ZC3H18: variants seen among roughly 807,000 people sequenced by gnomAD.
ZC3H18 encodes zinc finger CCCH-type containing 18, also known as zinc finger CCCH domain-containing protein 18.
In ZC3H18, 8 loss-of-function variants were observed where a neutral mutation model predicts 106.1. The observed-to-expected ratio is 0.08, with a 90% CI of 0.04 to 0.14. The LOEUF (loss-of-function observed/expected upper bound fraction) is 0.14. ZC3H18 is among the 10% of genes least tolerant of loss of function. The probability of loss-of-function intolerance (pLI) is 1.00; values close to 1 mark genes in which losing one functional copy is unlikely to be tolerated. For missense variants in ZC3H18, 1,318 were observed against 1,278.4 expected, an observed-to-expected ratio of 1.03 and a Z score of -0.47; for synonymous variants, 635 against 522.1, an observed-to-expected ratio of 1.22 and a Z score of -2.95.
chr16:88,571,045 C>T (rs1388011412), intron 1 of ZC3H18, among the ~76,000 whole-genome samples: 1 of 152,170 alleles, frequency 6.6e-6, no homozygotes, highest in Non-Finnish European at 1.5e-5. Context: ...ACAGGTTGGG[C>T]GCAGTGATTG....
At chr16:88,586,450 T>C in intron 2 of ZC3H18, 150 bp from the exon 3 acceptor site, 1 of 682,758 alleles carries the variant, frequency 1.5e-6, no homozygotes, top group Non-Finnish European at 2.7e-6. Flanking sequence ...TATGTAGATC[T>C]GGGACCTAAG....
chr16:88,594,379 G>C (rs1447445829), intron 3 of ZC3H18, among the ~76,000 whole-genome samples: 1 of 152,162 alleles, frequency 6.6e-6, no homozygotes, highest in Non-Finnish European at 1.5e-5. Flanking sequence ...AGTAAACACA[G>C]GGAATTGATA....
At chr16:88,596,485 C>G (rs191907490) in intron 3 of ZC3H18, among the ~76,000 whole-genome samples, 12 of 151,866 alleles carry the variant, frequency 7.9e-5, no homozygotes, top group Non-Finnish European at 1.8e-4. Context: ...ACTAAAAATA[C>G]AAAAATTAGC....
At chr16:88,596,100 G>C (rs1904424371) in intron 3 of ZC3H18, among the ~76,000 whole-genome samples, 1 of 152,128 alleles carries the variant, frequency 6.6e-6, no homozygotes, top group South Asian at 2.1e-4. Context: ...TGGCTCCCGA[G>C]AGCTGAACAC....
chr16:88,602,968 C>CT lies in ZC3H18; in HGVS notation c.1088+3034dup, dbSNP rs1029970086. Among the ~76,000 whole-genome samples, 1,269 of 145,032 alleles carry CT rather than the reference C, an allele frequency of 8.7e-3. 28 individuals are homozygous for CT. The highest frequency in any genetic ancestry group is 0.077 in the East Asian group (382 of 4,952). ...AAGGACAAGAAAATTGTTGTTCCTTCTTTTTTTTTTTTTTGAGACGGAGTC... is the reference window on the plus strand; with the variant it reads ...AAGGACAAGAAAATTGTTGTTCCTTCTTTTTTTTTTTTTTTGAGACGGAGTC... On this transcript the variant is annotated intron_variant, in intron 6 of 17. Coordinates refer to ENST00000301011, the MANE Select transcript of ZC3H18 (RefSeq NM_144604.4).
rs779497683 is a variant in ZC3H18 at position 88,611,397 on chromosome 16, C to A, written c.1336C>A (p.Arg446=). ...GCGGGAGCGCGAGCGCGACAAGGAG[C>A]GGCAGCGGAGGAAGGAGGAGTGGGA... ...RERERERDKE[R]QRRKEEWERE... Residue 446 remains arginine, a synonymous_variant, in exon 8 of 18, where the codon CGG becomes AGG. Coordinates refer to ENST00000301011, the MANE Select transcript of ZC3H18 (RefSeq NM_144604.4). The A allele has an allele frequency of 3.3e-6, 4 of 1,216,284 alleles. No homozygotes were observed. The highest frequency in any genetic ancestry group is 2.6e-5 in the South Asian group (2 of 77,446). The allele number at this position is 1,216,284 out of a possible 1,614,324, so 75.3% of individuals were successfully genotyped here. A position where few individuals can be genotyped will look rare whatever the true frequency, so the allele number is the denominator to read the frequency against.
intron 10 of ZC3H18, 40 bp from the exon 11 acceptor site, chr16:88,623,918 A>T (rs1597358448): frequency 6.4e-7 from 1 of 1,558,572 alleles, no homozygotes; most frequent in Non-Finnish European, 8.7e-7. Flanking sequence ...GTGAAGAAAC[A>T]CCCCCAGGCC....
chr16:88,576,545 C>T (rs1774166498), intron 1 of ZC3H18, among the ~76,000 whole-genome samples: 1 of 152,056 alleles, frequency 6.6e-6, no homozygotes, highest in Admixed American at 6.6e-5. Flanking sequence ...TGCTAAAGGG[C>T]AGCCAAGGGA....
intron 2 of ZC3H18, among the ~76,000 whole-genome samples, chr16:88,582,532 G>A (rs1431468445): frequency 6.6e-6 from 1 of 152,112 alleles, no homozygotes; most frequent in Admixed American, 6.5e-5. Flanking sequence ...TCATGGCTGT[G>A]GGTTTCCACT....
intron 8 of ZC3H18, among the ~76,000 whole-genome samples, chr16:88,614,682 T>A (rs1905471118): frequency 6.6e-6 from 1 of 152,248 alleles, no homozygotes; most frequent in Non-Finnish European, 1.5e-5. Context: ...TACAGTAATC[T>A]CTAAGTTATT....
At chr16:88,598,421 G>A in intron 4 of ZC3H18, 95 bp downstream of exon 4, 1 of 1,514,392 alleles carries the variant, frequency 6.6e-7, no homozygotes, top group South Asian at 1.3e-5. Context: ...CTTAGCACAG[G>A]CTCAGTGCCC....
intron 3 of ZC3H18, among the ~76,000 whole-genome samples, chr16:88,597,882 A>G (rs946456841): frequency 2.6e-5 from 4 of 152,228 alleles, no homozygotes; most frequent in African/African-American, 4.8e-5. Context: ...TAAGGGGAAA[A>G]TTAATACTCA....
At chr16:88,581,576 C>T (rs1364547775) in intron 2 of ZC3H18, among the ~76,000 whole-genome samples, 1 of 152,214 alleles carries the variant, frequency 6.6e-6, no homozygotes, top group African/African-American at 2.4e-5. Context: ...CTGGGACCAG[C>T]AGTTTGCAGC....
At chr16:88,618,699 C>T (rs1051430499) in intron 8 of ZC3H18, among the ~76,000 whole-genome samples, 4 of 152,196 alleles carry the variant, frequency 2.6e-5, no homozygotes, top group Admixed American at 1.3e-4. Flanking sequence ...CTCCTGTGGC[C>T]TTCAACGGGG....
chr16:88,600,619 G>T (rs547641935), intron 6 of ZC3H18, among the ~76,000 whole-genome samples: 1 of 152,294 alleles, frequency 6.6e-6, no homozygotes, highest in African/African-American at 2.4e-5. Flanking sequence ...CACCATGTTG[G>T]CCAGGATGGT....
chr16:88,612,690 A>G (rs542679118), intron 8 of ZC3H18, among the ~76,000 whole-genome samples: 1 of 151,760 alleles, frequency 6.6e-6, no homozygotes, highest in East Asian at 1.9e-4. Flanking sequence ...AAAAAAAAAA[A>G]AAAATTAAAA....
chr16:88,587,520 G>T, intron 3 of ZC3H18: 1 of 1,534,242 alleles, frequency 6.5e-7, no homozygotes, highest in Non-Finnish European at 8.7e-7. Flanking sequence ...GCTCACAAGA[G>T]CTTCCTGTAC....
Position 88,577,389 on chromosome 16 carries a change from G to A in ZC3H18, c.266G>A (p.Ser89Asn). 6.3e-7 allele frequency: 1 copy of A among 1,597,460 alleles called. No homozygotes were observed. Among genetic ancestry groups the A allele is most frequent in the East Asian group, 2.2e-5 (1 of 44,636 alleles). ...CAGGACTCAGAGGTGAATGAGCTGA[G>A]CCGGGGCCCGACCAGCTCCCCCTGC... ...QDQDSEVNEL[S>N]RGPTSSPCEE... is the part of the protein sequence containing the mutation. Residue 89 changes from serine to asparagine, a missense_variant, in exon 2 of 18, where the codon AGC becomes AAC. Transcript: ENST00000301011.
chr16:88,625,313 G>T lies in ZC3H18; in HGVS notation c.2108+46G>T, dbSNP rs1158616374. The T allele has an allele frequency of 2.6e-6, 4 of 1,555,012 alleles. No individual in the cohort carries two copies. In the East Asian group the frequency reaches 9.7e-5, roughly 38 times the overall value. Reference sequence around the variant, plus strand: ...CCTCTGTTTCTCCCTCCCCGTCGGGGCCAGGAAGTCCCAGAAGCAGCCAGT... The same window carrying T: ...CCTCTGTTTCTCCCTCCCCGTCGGGTCCAGGAAGTCCCAGAAGCAGCCAGT... On this transcript the variant is annotated intron_variant, in intron 13 of 17. Coordinates refer to ENST00000301011, the MANE Select transcript of ZC3H18 (RefSeq NM_144604.4).
Sources: gnomAD v4.1 joint callset for allele counts (sites outside exome capture counted in the v4.1 genomes callset) on GRCh38, gnomAD v4.1.1 for gene constraint, MANE v1.5 for transcripts, NCBI Gene and HGNC (gene_info 2026-07-23, HGNC 2026-07-21) for gene names.